CSMD1: variants seen among roughly 807,000 people sequenced by gnomAD.
The protein encoded by CSMD1 is CUB and sushi domain-containing protein 1.
In CSMD1, 213 loss-of-function variants were observed where a neutral mutation model predicts 417.5. The ratio of observed to expected loss-of-function variants is 0.51; its 90% CI spans 0.46 to 0.57. CSMD1 has a LOEUF of 0.57. CSMD1 is among the 20% of genes least tolerant of loss of function. The pLI is 0.00. For missense variants in CSMD1, 6,923 were observed against 4,529.7 expected, an observed-to-expected ratio of 1.53 and a Z score of -15.17; for synonymous variants, 2,862 against 1,736.8, an observed-to-expected ratio of 1.65 and a Z score of -16.11.
chr8:3,188,386 A>G (rs1585599694), intron 35 of CSMD1, among the ~76,000 whole-genome samples: 1 of 131,908 alleles, frequency 7.6e-6, no homozygotes, highest in African/African-American at 2.9e-5. Context: ...GGCTCACTGC[A>G]ACCTCCGCCT....
chr8:4,077,074 G>C (rs1254572158), intron 3 of CSMD1, among the ~76,000 whole-genome samples: 1 of 151,778 alleles, frequency 6.6e-6, no homozygotes, highest in Non-Finnish European at 1.5e-5. Context: ...AATATAATTG[G>C]TCATAAATGA....
At chr8:4,187,342 A>T (rs543590253) in intron 3 of CSMD1, among the ~76,000 whole-genome samples, 2 of 152,124 alleles carry the variant, frequency 1.3e-5, no homozygotes, top group Non-Finnish European at 1.5e-5. Context: ...TAACTGACAC[A>T]GGTAAGCATT....
chr8:3,001,773 T>C (rs993496298), intron 52 of CSMD1, among the ~76,000 whole-genome samples: 2 of 152,218 alleles, frequency 1.3e-5, no homozygotes, highest in Admixed American at 6.5e-5. Context: ...AGACTTTCCC[T>C]GCCCACTTAT....
intron 5 of CSMD1, among the ~76,000 whole-genome samples, chr8:3,953,660 T>C (rs534028102): frequency 9.2e-5 from 14 of 152,032 alleles, no homozygotes; most frequent in Non-Finnish European, 2.1e-4. Context: ...ACGCTGGGAC[T>C]GGGAGCCTGG....
intron 17 of CSMD1, among the ~76,000 whole-genome samples, chr8:3,389,464 A>C (rs1211340930): frequency 6.6e-6 from 1 of 152,154 alleles, no homozygotes; most frequent in Non-Finnish European, 1.5e-5. Context: ...TCAAAAGAAG[A>C]AGCTCTGCTG....
chr8:3,160,603 A>G (rs1029068003), intron 38 of CSMD1, among the ~76,000 whole-genome samples: 2 of 152,228 alleles, frequency 1.3e-5, no homozygotes, highest in Admixed American at 6.5e-5. Flanking sequence ...TTGCAGAGTT[A>G]CAATTATTGT....
chr8:4,105,556 C>T (rs898792490), intron 3 of CSMD1, among the ~76,000 whole-genome samples: 4 of 152,072 alleles, frequency 2.6e-5, no homozygotes, highest in African/African-American at 4.8e-5. Context: ...AAAAATACGA[C>T]AAATAAGCAA....
chr8:3,631,050 C>A (rs911473793), intron 7 of CSMD1, among the ~76,000 whole-genome samples: 1 of 152,120 alleles, frequency 6.6e-6, no homozygotes, highest in Non-Finnish European at 1.5e-5. Context: ...TTGCTCGTGC[C>A]GCTCCTTCCA....
At chr8:4,424,734 A>G (rs1211422808) in intron 2 of CSMD1, among the ~76,000 whole-genome samples, 1 of 152,082 alleles carries the variant, frequency 6.6e-6, no homozygotes, top group Non-Finnish European at 1.5e-5. Flanking sequence ...TGCCCTAGAA[A>G]TGCTCATGAT....
At chr8:3,938,383 C>T (rs559192297) in intron 5 of CSMD1, among the ~76,000 whole-genome samples, 1 of 152,228 alleles carries the variant, frequency 6.6e-6, no homozygotes, top group South Asian at 2.1e-4. Flanking sequence ...ATGCTGAATG[C>T]AATCGGTGGT....
At chr8:4,768,876 T>TCC (rs1218998160) in intron 1 of CSMD1, among the ~76,000 whole-genome samples, 1 of 152,166 alleles carries the variant, frequency 6.6e-6, no homozygotes, top group Non-Finnish European at 1.5e-5. Flanking sequence ...CTTCCACTTC[T>TCC]CCCCTTTTTC....
chr8:4,027,081 G>C (rs1797101537), intron 4 of CSMD1, among the ~76,000 whole-genome samples: 1 of 152,178 alleles, frequency 6.6e-6, no homozygotes, highest in Non-Finnish European at 1.5e-5. Context: ...AGCCAGGATA[G>C]GTCGGCCACA....
chr8:4,058,969 C>A (rs573476660), intron 3 of CSMD1, among the ~76,000 whole-genome samples: 1 of 151,904 alleles, frequency 6.6e-6, no homozygotes, highest in Non-Finnish European at 1.5e-5. Flanking sequence ...AACTCTCCAC[C>A]CCAAATCAAC....
chr8:4,069,435 C>T (rs887307672), intron 3 of CSMD1, among the ~76,000 whole-genome samples: 4 of 152,032 alleles, frequency 2.6e-5, no homozygotes, highest in African/African-American at 7.3e-5. Flanking sequence ...TGATATTCAC[C>T]GTAAAGGAAA....
chr8:3,591,218 C>G (rs1174553907), intron 8 of CSMD1, among the ~76,000 whole-genome samples: 3 of 152,126 alleles, frequency 2.0e-5, no homozygotes, highest in Non-Finnish European at 4.4e-5. Context: ...TTAACTCAAA[C>G]AAAGCAGCAA....
chr8:3,815,073 T>C (rs192009011), intron 5 of CSMD1, among the ~76,000 whole-genome samples: 1 of 152,308 alleles, frequency 6.6e-6, no homozygotes, highest in East Asian at 1.9e-4. Context: ...AGATTAAATG[T>C]CCCCTGATAT....
intron 3 of CSMD1, among the ~76,000 whole-genome samples, chr8:4,327,281 G>C (rs4335143): frequency 0.19 from 28,266 of 152,136 alleles, 3,127 homozygotes; most frequent in South Asian, 0.39. Flanking sequence ...TGCTCTTTAA[G>C]TATCTCTTTT....
chr8:4,640,816 T>TA (rs1282538295), intron 1 of CSMD1, among the ~76,000 whole-genome samples: 1 of 150,628 alleles, frequency 6.6e-6, no homozygotes, highest in Admixed American at 6.6e-5. Flanking sequence ...ATGTTTTAGT[T>TA]AAAATTAAGA....
chr8:3,201,966 G>C (rs915208168), intron 31 of CSMD1, among the ~76,000 whole-genome samples: 1 of 152,106 alleles, frequency 6.6e-6, no homozygotes, highest in South Asian at 2.1e-4. Context: ...TTTCCAATTT[G>C]AACATTAAAT....
Sources: allele counts gnomAD v4.1 joint callset (sites outside exome capture counted in the v4.1 genomes callset), GRCh38; gene constraint gnomAD v4.1.1; transcripts MANE v1.5; gene names NCBI Gene and HGNC (gene_info 2026-07-23, HGNC 2026-07-21).